LACTB2: variants seen among roughly 807,000 people sequenced by gnomAD.
The protein encoded by LACTB2 is lactamase beta 2.
In LACTB2, 32 loss-of-function variants were observed where a neutral mutation model predicts 34.8. The observed-to-expected ratio is 0.92, with a 90% confidence interval of 0.69 to 1.24. The LOEUF is 1.24. Ranked by LOEUF, LACTB2 falls within the 50% of genes most tolerant of loss-of-function variation. LACTB2 has a pLI of 0.00. For synonymous variants in LACTB2, 120 were observed against 117.5 expected, an observed-to-expected ratio of 1.02 and a Z score of -0.14; for missense variants, 320 against 345.0, an observed-to-expected ratio of 0.93 and a Z score of 0.57.
chr8:70,643,624 C>T (rs1400772297), intron 4 of LACTB2, among the ~76,000 whole-genome samples: 3 of 152,080 alleles, frequency 2.0e-5, no homozygotes, highest in Non-Finnish European at 4.4e-5. Flanking sequence ...AAGCGATTCT[C>T]CTGTCTCAGC....
chr8:70,667,385 C>T (rs767163914), intron 1 of LACTB2, among the ~76,000 whole-genome samples: 1 of 152,208 alleles, frequency 6.6e-6, no homozygotes, highest in Non-Finnish European at 1.5e-5. Context: ...AACTTCTAGC[C>T]ACCTTTTACT....
At chr8:70,651,252 G>A (rs1217484401) in intron 3 of LACTB2, among the ~76,000 whole-genome samples, 3 of 152,094 alleles carry the variant, frequency 2.0e-5, no homozygotes, top group African/African-American at 7.2e-5. Flanking sequence ...TGCTTTTATA[G>A]TTTCCAAGTA....
At chr8:70,651,889 T>C (rs1053364797) in intron 3 of LACTB2, 8 of 152,220 alleles carry the variant, frequency 5.3e-5, no homozygotes, top group Non-Finnish European at 8.8e-5. Flanking sequence ...CCTTCCTATT[T>C]CGCAGGTAGA....
In LACTB2 at chr8:70,638,532, T is replaced by G. The variant is rs1180488167; in HGVS notation, c.823+16A>C. The G allele has an allele frequency of 2.0e-6, 3 of 1,526,424 alleles. No individual in the cohort carries two copies. In the African/African-American group the frequency reaches 4.3e-5, roughly 22 times the overall value. 94.6% of individuals were successfully genotyped at this position (1,526,424 alleles called of 1,614,324 possible). ...TTAAATGCTGGTAATAGAAGAAAAT[T>G]TGGAAGCATACTCACATATTTTTCC... On this transcript the variant is annotated intron_variant, in intron 6 of 6. Coordinates refer to ENST00000276590, the MANE Select transcript of LACTB2 (RefSeq NM_016027.3).
At position 70,641,091 on chromosome 8, in the gene LACTB2, A is replaced by C. The variant is rs937621234; in HGVS notation, c.593-41T>G. ...TATAAGAGTTACTTCAGTCAGATAA[A>C]AAAATACTAAGTACAACAGAAGCTA... On this transcript the variant is annotated intron_variant, in intron 4 of 6. Coordinates refer to ENST00000276590, the MANE Select transcript of LACTB2 (RefSeq NM_016027.3). 2.0e-6 allele frequency: 3 copies of C among 1,515,078 alleles called. No homozygotes were observed. In the African/African-American group the frequency reaches 4.3e-5, roughly 22 times the overall value. The allele number at this position is 1,515,078 out of a possible 1,614,324, so 93.9% of individuals were successfully genotyped here.
At chr8:70,646,869 C>T (rs1818270305) in intron 3 of LACTB2, among the ~76,000 whole-genome samples, 1 of 152,176 alleles carries the variant, frequency 6.6e-6, no homozygotes, top group African/African-American at 2.4e-5. Context: ...CTGTAGGCTT[C>T]ACATTGTTTT....
intron 2 of LACTB2, among the ~76,000 whole-genome samples, chr8:70,658,803 G>T (rs969908221): frequency 1.3e-5 from 2 of 152,110 alleles, no homozygotes; most frequent in African/African-American, 4.8e-5. Flanking sequence ...AAGGTGGGAG[G>T]ATCACGAGGT....
intron 5 of LACTB2, 147 bp downstream of exon 5, chr8:70,640,755 C>A (rs1005222759): frequency 4.3e-6 from 4 of 936,134 alleles, no homozygotes; most frequent in East Asian, 3.4e-5. Flanking sequence ...AATTTTAGCA[C>A]TGTAGAAAGT....
intron 3 of LACTB2, among the ~76,000 whole-genome samples, chr8:70,655,480 C>T (rs1163223867): frequency 6.6e-6 from 1 of 152,160 alleles, no homozygotes; most frequent in Non-Finnish European, 1.5e-5. Flanking sequence ...CCTTGGCCTC[C>T]CAAAGTGCTG....
At chr8:70,654,701 T>A (rs1051124818) in intron 3 of LACTB2, 1 of 152,356 alleles carries the variant, frequency 6.6e-6, no homozygotes, top group South Asian at 2.1e-4. Context: ...AGTTCACCTC[T>A]CCTTAGGCAA....
At chr8:70,642,756 T>A (rs982075688) in intron 4 of LACTB2, among the ~76,000 whole-genome samples, 2 of 152,150 alleles carry the variant, frequency 1.3e-5, no homozygotes, top group African/African-American at 4.8e-5. Flanking sequence ...AGAGCTGGGA[T>A]TACAGGCGTG....
At chr8:70,652,095 T>C (rs1458598730) in intron 3 of LACTB2, among the ~76,000 whole-genome samples, 1 of 152,194 alleles carries the variant, frequency 6.6e-6, no homozygotes, top group East Asian at 1.9e-4. Context: ...CTGCAAGGGT[T>C]CTTGGTGGAT....
At chr8:70,643,350 G>A (rs887754150) in intron 4 of LACTB2, among the ~76,000 whole-genome samples, 3 of 151,208 alleles carry the variant, frequency 2.0e-5, no homozygotes, top group East Asian at 1.9e-4. Context: ...AGCCTCCCGC[G>A]TAGCTGGGAT....
chr8:70,655,857 C>T (rs1025188140), intron 3 of LACTB2, among the ~76,000 whole-genome samples: 5 of 152,182 alleles, frequency 3.3e-5, no homozygotes, highest in Non-Finnish European at 7.3e-5. Context: ...TCCACACCAA[C>T]ATTTACTGTT....
At chr8:70,653,450 C>G (rs1045305914) in intron 3 of LACTB2, among the ~76,000 whole-genome samples, 1 of 152,276 alleles carries the variant, frequency 6.6e-6, no homozygotes, top group East Asian at 1.9e-4. Context: ...TTTTGAAAAT[C>G]ACAGCACAGT....
intron 4 of LACTB2, among the ~76,000 whole-genome samples, chr8:70,642,833 A>C (rs1222206752): frequency 1.3e-5 from 2 of 152,192 alleles, no homozygotes; most frequent in Non-Finnish European, 2.9e-5. Flanking sequence ...AGAACAGTCT[A>C]GTGAGATCTG....
intron 3 of LACTB2, among the ~76,000 whole-genome samples, chr8:70,657,428 ATTTTTTTTTT>A (rs777806428): frequency 1.7e-5 from 2 of 115,822 alleles, no homozygotes; most frequent in African/African-American, 3.2e-5. Context: ...CAGATCTTCT[ATTTTTTTTTT>A]TTTTTTTTTT....
intron 3 of LACTB2, chr8:70,646,191 C>T (rs1009838946): frequency 5.3e-5 from 8 of 152,126 alleles, no homozygotes; most frequent in African/African-American, 1.9e-4. Flanking sequence ...GCCATTCTAA[C>T]TGGTGTGAGA....
chr8:70,641,951 G>T (rs987589899), intron 4 of LACTB2, among the ~76,000 whole-genome samples: 45 of 152,282 alleles, frequency 3.0e-4, no homozygotes, highest in African/African-American at 9.4e-4. Context: ...TTCTTCTGCT[G>T]TGTGGTGAGG....
Sources: allele counts gnomAD v4.1 joint callset (sites outside exome capture counted in the v4.1 genomes callset), GRCh38; gene constraint gnomAD v4.1.1; transcripts MANE v1.5; gene names NCBI Gene and HGNC (gene_info 2026-07-23, HGNC 2026-07-21).